ZNF638: variants seen among roughly 807,000 people sequenced by gnomAD.
The protein encoded by ZNF638 is zinc finger protein 638, also known as CTCL tumor antigen se33-1.
A neutral mutation model predicts 195.6 loss-of-function variants in ZNF638; 46 were observed. The ratio of observed to expected loss-of-function variants is 0.24; its 90% CI spans 0.19 to 0.30. The LOEUF (loss-of-function observed/expected upper bound fraction) is 0.30. Ranked by LOEUF, ZNF638 falls within the 10% of genes least tolerant of loss-of-function variation. The probability of loss-of-function intolerance (pLI) is 1.00; values close to 1 mark genes in which losing one functional copy is unlikely to be tolerated. For missense variants in ZNF638, 2,440 were observed against 2,325.3 expected (o/e 1.05, Z -1.01); for synonymous variants, 845 against 772.0 (o/e 1.09, Z -1.57).
intron 25 of ZNF638, among the ~76,000 whole-genome samples, chr2:71,430,504 C>T (rs2152608856): frequency 6.6e-6 from 1 of 152,254 alleles, no homozygotes; most frequent in Non-Finnish European, 1.5e-5. Flanking sequence ...ATGGAGGGAA[C>T]ACTGAACTTG....
intron 2 of ZNF638, among the ~76,000 whole-genome samples, chr2:71,353,031 C>T (rs1284638880): frequency 6.6e-6 from 1 of 152,014 alleles, no homozygotes; most frequent in African/African-American, 2.4e-5. Context: ...AGATGGATTT[C>T]GATGGTACAC....
intron 6 of ZNF638, among the ~76,000 whole-genome samples, chr2:71,367,809 G>A (rs539235383): frequency 2.8e-4 from 42 of 150,892 alleles, no homozygotes; most frequent in Middle Eastern, 3.4e-3. Flanking sequence ...GGCCTCAAGC[G>A]ATCTTTCTGC....
Position 71,331,821 on chromosome 2 carries a change from G to A in ZNF638, c.-257G>A, listed in dbSNP as rs1216167681. On this transcript the variant is annotated 5_prime_UTR_variant, in exon 1 of 28. The change creates a new upstream start codon in the 5' untranslated region. Coordinates refer to ENST00000264447, the MANE Select transcript of ZNF638 (RefSeq NM_014497.5). ...TTTCGGCGTCGAGACTGGAGGCTGA[G>A]TGCTAAACTGTGTGGGGCGCGGATG... 3.0e-6 allele frequency: 3 copies of A among 986,194 alleles called. No individual in the cohort carries two copies. Among genetic ancestry groups the A allele is most frequent in the East Asian group, 1.1e-4 (1 of 8,814 alleles). 61.1% of individuals were successfully genotyped at this position (986,194 alleles called of 1,614,324 possible). A position where few individuals can be genotyped will look rare whatever the true frequency, so the allele number is the denominator to read the frequency against.
At chr2:71,421,027 C>A (rs189241174) in intron 21 of ZNF638, among the ~76,000 whole-genome samples, 4 of 152,200 alleles carry the variant, frequency 2.6e-5, no homozygotes, top group Non-Finnish European at 4.4e-5. Context: ...AGGGGAAAGT[C>A]TTGCTATATC....
chr2:71,402,061 A>G lies in ZNF638; in HGVS notation c.2803A>G (p.Ile935Val), dbSNP rs2080017606. The G allele has an allele frequency of 1.9e-6, 3 of 1,606,754 alleles. No homozygotes were observed. The highest frequency in any genetic ancestry group is 2.6e-6 in the Non-Finnish European group (3 of 1,176,302). Residue 935 changes from isoleucine (I) to valine (V), a missense_variant, in exon 16 of 28, where the codon ATC becomes GTC. By Grantham distance (29) the Ile-to-Val change is conservative. Coordinates refer to ENST00000264447, the MANE Select transcript of ZNF638 (RefSeq NM_014497.5). ...LAKPFGGLKD[I>V]LILSSHKKAY... The stretch of plus-strand genomic sequence containing the variant: ...AAAACCATTTGGTGGTTTAAAGGAT[A>G]TCTTGATTTTATCATCTCATAAAAA...
intron 10 of ZNF638, among the ~76,000 whole-genome samples, chr2:71,388,913 T>C (rs577370638): frequency 6.6e-6 from 1 of 152,254 alleles, no homozygotes; most frequent in East Asian, 1.9e-4. Flanking sequence ...TTGTTTCCCA[T>C]AATCCATGGT....
chr2:71,418,124 C>G (rs927544319), intron 20 of ZNF638: 40 of 152,302 alleles, frequency 2.6e-4, no homozygotes, highest in African/African-American at 9.2e-4. Flanking sequence ...ACCCACATAT[C>G]AGATAAATAT....
rs57704216 is a variant in ZNF638, at chr2:71,366,144, A to G, written c.1995+438A>G. On this transcript the variant is annotated intron_variant, in intron 6 of 27. Transcript: ENST00000264447. ...CGGGGTGGATCGCTCGAGCTTAAGA[A>G]TTTGAGGCCAGCCAGAGCTACGTGG... is the stretch of plus-strand genomic sequence containing the variant. Among the ~76,000 whole-genome samples, 8,027 of 152,206 alleles carry G rather than the reference A, an allele frequency of 0.053. 970 individuals are homozygous for G. The East Asian group carries it at 0.56, about 11-fold the overall frequency.
chr2:71,405,668 G>A (rs2080091855), intron 18 of ZNF638, 26 bp downstream of exon 18: 1 of 1,452,706 alleles, frequency 6.9e-7, no homozygotes, highest in Non-Finnish European at 9.5e-7. Flanking sequence ...AAATGCTTTT[G>A]TATACTTATT....
Position 71,423,462 on chromosome 2 carries a change from T to A in ZNF638, c.3948T>A (p.Asn1316Lys). The change falls in exon 22 of 28, where the codon AAT becomes AAA. Residue 1316 changes from asparagine to lysine, a missense_variant. Coordinates refer to ENST00000264447, the MANE Select transcript of ZNF638 (RefSeq NM_014497.5). ...NMDEKEEKEF[N>K]TKETRMDLQI... is the part of the protein sequence containing the mutation. ...ATGAAAAGGAGGAGAAGGAATTTAA[T>A]ACTAAGGAAACCAGAATGGATCTTC... 6.2e-7 allele frequency: 1 copy of A among 1,613,312 alleles called. No homozygotes were observed.
chr2:71,426,325 A>G, intron 23 of ZNF638, 135 bp from the exon 24 acceptor site: 1 of 648,592 alleles, frequency 1.5e-6, no homozygotes, highest in Non-Finnish European at 2.6e-6. Context: ...ACAACTCTTA[A>G]TTTTAGCCTT....
intron 2 of ZNF638, 44 bp from the exon 3 acceptor site, chr2:71,355,675 A>G (rs778800609): frequency 1.6e-6 from 2 of 1,275,942 alleles, no homozygotes; most frequent in South Asian, 2.7e-5. Flanking sequence ...ATTAGTCAAC[A>G]TGAGGAATAT....
chr2:71,345,575 T>A (rs1450832464), intron 1 of ZNF638, among the ~76,000 whole-genome samples: 1 of 152,052 alleles, frequency 6.6e-6, no homozygotes, highest in East Asian at 1.9e-4. Context: ...AGAGATGAGG[T>A]CTCACCATGT....
chr2:71,363,928 T>G (rs745376153), intron 4 of ZNF638, 26 bp from the exon 5 acceptor site: 1 of 1,585,078 alleles, frequency 6.3e-7, no homozygotes, highest in South Asian at 1.2e-5. Flanking sequence ...TGCTGATCAC[T>G]TTCTTTTCCG....
At chr2:71,367,289 C>T (rs1278360190) in intron 6 of ZNF638, among the ~76,000 whole-genome samples, 3 of 151,030 alleles carry the variant, frequency 2.0e-5, no homozygotes, top group African/African-American at 7.3e-5. Flanking sequence ...ATGGGGGTCT[C>T]GCTTTCTCAC....
At position 71,423,418 on chromosome 2, in the gene ZNF638, G is replaced by GA. The variant is rs1196097264; in HGVS notation, c.3912dup (p.Gly1305ArgfsTer2). 3.1e-6 allele frequency: 5 copies of GA among 1,609,822 alleles called. No individual in the cohort carries two copies. The highest frequency in any genetic ancestry group is 1.7e-5 in the Admixed American group (1 of 58,862). On this transcript the variant is annotated frameshift_variant, in exon 22 of 28. Coordinates refer to ENST00000264447, the MANE Select transcript of ZNF638 (RefSeq NM_014497.5). LOFTEE classifies it high-confidence loss of function. ...GACAGTGGACAAAAAGAATATTTCT[G>GA]AAAAAAAAGGTAACATGGATGAAAA...
intron 1 of ZNF638, 133 bp downstream of exon 1, chr2:71,332,008 C>G: frequency 9.7e-5 from 52 of 534,844 alleles, no homozygotes; most frequent in Non-Finnish European, 1.2e-4. Flanking sequence ...AAAATGGCGG[C>G]GGGCAGACGG....
chr2:71,369,111 G>T (rs1207359715), intron 7 of ZNF638, among the ~76,000 whole-genome samples: 1 of 152,108 alleles, frequency 6.6e-6, no homozygotes, highest in East Asian at 1.9e-4. Flanking sequence ...GAGGCAGGTG[G>T]ATCGCCTGAG....
chr2:71,383,015 C>T (rs935437547), intron 10 of ZNF638, among the ~76,000 whole-genome samples: 2 of 152,234 alleles, frequency 1.3e-5, no homozygotes, highest in Non-Finnish European at 2.9e-5. Context: ...TCTTTCAAAC[C>T]GTTCTTTGAG....
Sources: gnomAD v4.1 joint callset for allele counts (sites outside exome capture counted in the v4.1 genomes callset) on GRCh38, gnomAD v4.1.1 for gene constraint, MANE v1.5 for transcripts, NCBI Gene and HGNC (gene_info 2026-07-23, HGNC 2026-07-21) for gene names.